The following CCM2 variants were observed in gnomAD, a reference collection of about 807,000 sequenced individuals.
CCM2 encodes CCM2 scaffold protein.
A neutral mutation model predicts 44.9 loss-of-function variants in CCM2; 25 were observed. The observed-to-expected ratio is 0.56, with a 90% CI of 0.41 to 0.78. The LOEUF (loss-of-function observed/expected upper bound fraction) is 0.78. Ranked by LOEUF, CCM2 falls within the 30% of genes least tolerant of loss-of-function variation. CCM2 has a pLI of 0.00. For synonymous variants in CCM2, 219 were observed against 241.1 expected (o/e 0.91, Z 0.85); for missense variants, 481 against 580.6 (o/e 0.83, Z 1.76).
At chr7:45,036,473 T>G (rs2128727845) in intron 1 of CCM2, among the ~76,000 whole-genome samples, 1 of 152,310 alleles carries the variant, frequency 6.6e-6, no homozygotes, top group African/African-American at 2.4e-5. Flanking sequence ...CTTATTTACT[T>G]TTCCCGCTAA....
At chr7:45,014,178 T>G (rs187446240) in intron 1 of CCM2, among the ~76,000 whole-genome samples, 1 of 152,162 alleles carries the variant, frequency 6.6e-6, no homozygotes. Context: ...CTTACTCTGT[T>G]GCCCAGGCCG....
intron 1 of CCM2, among the ~76,000 whole-genome samples, chr7:45,003,491 G>C (rs1169253689): frequency 6.6e-6 from 1 of 152,134 alleles, no homozygotes; most frequent in Admixed American, 6.6e-5. Context: ...CTAACACTTT[G>C]GGAGGCCGAA....
At chr7:45,003,971 G>C (rs1795747226) in intron 1 of CCM2, among the ~76,000 whole-genome samples, 1 of 152,196 alleles carries the variant, frequency 6.6e-6, no homozygotes, top group African/African-American at 2.4e-5. Context: ...CTTGAGCCTA[G>C]GAGTTTGAGA....
In CCM2 at chr7:45,000,300, GGCCGGGCGGGCCGCGGGAGCCGCAC is replaced by G. The variant is rs2128707778; in HGVS notation, c.-31_-7del. On this transcript the variant is annotated 5_prime_UTR_variant, in exon 1 of 10. Transcript: ENST00000258781. The stretch of plus-strand genomic sequence containing the variant: ...TGCTGGCGGCGGGGCTCCCGGGGCG[GGCCGGGCGGGCCGCGGGAGCCGCAC>G]GCGGCGATATGGAAGAGGAGGGCAA... The G allele has an allele frequency of 2.4e-6, 3 of 1,245,182 alleles. No individual in the cohort carries two copies. In the East Asian group the frequency reaches 9.8e-5, roughly 41 times the overall value. The allele number at this position is 1,245,182 out of a possible 1,614,324, so 77.1% of individuals were successfully genotyped here. A position where few individuals can be genotyped will look rare whatever the true frequency, so the allele number is the denominator to read the frequency against.
intron 1 of CCM2, among the ~76,000 whole-genome samples, chr7:45,020,380 AGT>A (rs1796437531): frequency 6.6e-6 from 1 of 152,024 alleles, no homozygotes; most frequent in Non-Finnish European, 1.5e-5. Flanking sequence ...TTTTCTTGAC[AGT>A]GTGTTTTGGA....
intron 1 of CCM2, among the ~76,000 whole-genome samples, chr7:45,019,869 C>A (rs1796413915): frequency 6.6e-6 from 1 of 152,164 alleles, no homozygotes; most frequent in South Asian, 2.1e-4. Context: ...GCTCCCGCAC[C>A]CAGCCATCAG....
intron 1 of CCM2, among the ~76,000 whole-genome samples, chr7:45,001,579 A>G (rs776736105): frequency 6.6e-6 from 1 of 152,228 alleles, no homozygotes. Flanking sequence ...AAAGTGAGCC[A>G]TGTGCTCTGT....
At chr7:45,026,988 A>T (rs914307754) in intron 1 of CCM2, 4 of 155,046 alleles carry the variant, frequency 2.6e-5, no homozygotes, top group African/African-American at 4.8e-5. Flanking sequence ...CCAGCAACAG[A>T]TCCAACTTCT....
chr7:45,019,125 G>A (rs757894377), intron 1 of CCM2, among the ~76,000 whole-genome samples: 3 of 145,196 alleles, frequency 2.1e-5, no homozygotes, highest in African/African-American at 5.2e-5. Context: ...GTGCTGTGGC[G>A]TGATCTCGGC....
At chr7:45,024,767 T>C (rs1796617794) in intron 1 of CCM2, among the ~76,000 whole-genome samples, 1 of 152,234 alleles carries the variant, frequency 6.6e-6, no homozygotes, top group African/African-American at 2.4e-5. Flanking sequence ...CTTACTGCTT[T>C]TACAGGTACT....
At chr7:44,999,811 C>T (rs1307402552), upstream of CCM2, 6 of 9,728 alleles carry the variant, frequency 6.2e-4, no homozygotes, top group Non-Finnish European at 8.2e-4. Context: ...CTCCCGCGCG[C>T]GCTCCCGCGC....
In CCM2 at chr7:45,073,485, G is replaced by C. The variant is rs777620525; in HGVS notation, c.829G>C (p.Gly277Arg). ...CTGCTTCCCTGAATCTGTGGATGTG[G>C]GTGGTGCATCACCCCACAGCAAGAC... ...TFCFPESVDV[G>R]GASPHSKTIS... The change falls in exon 8 of 10, where the codon GGT becomes CGT. Residue 277 changes from glycine (G) to arginine (R), a missense_variant. By Grantham distance (125) the Gly-to-Arg change is moderately radical. Coordinates refer to ENST00000258781, the MANE Select transcript of CCM2 (RefSeq NM_031443.4). 1.2e-6 allele frequency: 2 copies of C among 1,613,364 alleles called. No individual in the cohort carries two copies. The highest frequency in any genetic ancestry group is 1.7e-6 in the Non-Finnish European group (2 of 1,179,870).
intron 2 of CCM2, among the ~76,000 whole-genome samples, chr7:45,039,610 A>C (rs1459209988): frequency 6.6e-6 from 1 of 152,254 alleles, no homozygotes; most frequent in East Asian, 1.9e-4. Flanking sequence ...ACAATGCAGA[A>C]AATAGGGGAA....
At chr7:45,055,975 G>T (rs984889260) in intron 2 of CCM2, among the ~76,000 whole-genome samples, 4 of 152,196 alleles carry the variant, frequency 2.6e-5, no homozygotes, top group African/African-American at 7.2e-5. Flanking sequence ...TTAGCACAGT[G>T]CCCTCAAGGT....
intron 2 of CCM2, among the ~76,000 whole-genome samples, chr7:45,055,058 T>C (rs1798194786): frequency 6.6e-6 from 1 of 152,242 alleles, no homozygotes; most frequent in Non-Finnish European, 1.5e-5. Context: ...AGTAGAATCG[T>C]GAATCCTCTT....
chr7:45,063,428 C>T (rs182652603), intron 2 of CCM2, among the ~76,000 whole-genome samples: 22 of 152,302 alleles, frequency 1.4e-4, no homozygotes, highest in African/African-American at 4.8e-4. Context: ...ACTAAGTTTC[C>T]AGCACATGCT....
At chr7:45,026,802 C>T (rs997931821) in intron 1 of CCM2, among the ~76,000 whole-genome samples, 33 of 151,970 alleles carry the variant, frequency 2.2e-4, no homozygotes, top group African/African-American at 4.4e-4. Context: ...GGGGTTTCAC[C>T]GTGTTGGCCA....
At chr7:45,066,447 G>A (rs1414575457) in intron 4 of CCM2, among the ~76,000 whole-genome samples, 4 of 152,128 alleles carry the variant, frequency 2.6e-5, no homozygotes, top group South Asian at 2.1e-4. Flanking sequence ...GCACTGGGCC[G>A]CCATGCTGTA....
At chr7:45,049,212 T>C (rs761125491) in intron 2 of CCM2, among the ~76,000 whole-genome samples, 9 of 152,192 alleles carry the variant, frequency 5.9e-5, no homozygotes, top group Non-Finnish European at 1.2e-4. Context: ...CTGCCTCGGC[T>C]TCTCAAAGTG....
Sources: gnomAD v4.1 joint callset for allele counts (sites outside exome capture counted in the v4.1 genomes callset) on GRCh38, gnomAD v4.1.1 for gene constraint, MANE v1.5 for transcripts, NCBI Gene and HGNC (gene_info 2026-07-23, HGNC 2026-07-21) for gene names.